The following PTPRD variants were observed in gnomAD, a reference collection of about 807,000 sequenced individuals.
PTPRD encodes protein tyrosine phosphatase receptor type D.
A neutral mutation model predicts 214.5 loss-of-function variants in PTPRD; 34 were observed. The ratio of observed to expected loss-of-function variants is 0.16; its 90% CI spans 0.12 to 0.21. PTPRD has a LOEUF of 0.21. Ranked by LOEUF, PTPRD falls within the 10% of genes least tolerant of loss-of-function variation. The pLI is 1.00. For synonymous variants in PTPRD, 1,128 were observed against 845.7 expected, an observed-to-expected ratio of 1.33 and a Z score of -5.79; for missense variants, 2,545 against 2,398.7, an observed-to-expected ratio of 1.06 and a Z score of -1.27.
At position 10,073,883 on chromosome 9, in the gene PTPRD, C is replaced by A. The variant is rs555064761; in HGVS notation, c.-544-40093G>T. 8.5e-5 allele frequency among the ~76,000 whole-genome samples: 13 copies of A among 152,190 alleles called. No individual in the cohort carries two copies. The South Asian group carries it at 2.7e-3, about 32-fold the overall frequency. On this transcript the variant is annotated intron_variant, in intron 3 of 45. Coordinates refer to ENST00000381196, the MANE Select transcript of PTPRD (RefSeq NM_002839.4). ...GATTTTTCAAAAAGTGACTAATTTT[C>A]TTAAAATATACATTAATAGTTTATA...
At chr9:9,356,326 A>T (rs1569567671) in intron 9 of PTPRD, among the ~76,000 whole-genome samples, 1 of 151,328 alleles carries the variant, frequency 6.6e-6, no homozygotes, top group Non-Finnish European at 1.5e-5. Flanking sequence ...AGCTGCTAGA[A>T]TGAGGTCTTT....
chr9:8,946,928 T>A (rs958809126), intron 11 of PTPRD, among the ~76,000 whole-genome samples: 3 of 151,790 alleles, frequency 2.0e-5, no homozygotes, highest in Non-Finnish European at 2.9e-5. Context: ...TGTGTCTCTT[T>A]ATTGTCTGTC....
intron 10 of PTPRD, among the ~76,000 whole-genome samples, chr9:9,077,609 G>C (rs1184129364): frequency 2.0e-5 from 3 of 152,046 alleles, no homozygotes; most frequent in African/African-American, 4.8e-5. Flanking sequence ...ATAGCGGAGA[G>C]TGTCATGCAA....
rs1360487164 is a variant in PTPRD, at chr9:8,849,468, C to T, written c.-103-115522G>A. On this transcript the variant is annotated intron_variant, in intron 11 of 45. Coordinates refer to ENST00000381196, the MANE Select transcript of PTPRD (RefSeq NM_002839.4). ...GTCTCGATCTCCTGACCTCGTGATCCACCGGCCTCGGCCTCCCAAAGTGCT... is the reference window on the plus strand; with the variant it reads ...GTCTCGATCTCCTGACCTCGTGATCTACCGGCCTCGGCCTCCCAAAGTGCT... Among the ~76,000 whole-genome samples, 3 of 152,148 alleles carry T rather than the reference C, an allele frequency of 2.0e-5. No individual in the cohort carries two copies. In the South Asian group the frequency reaches 6.2e-4, roughly 31 times the overall value.
At chr9:9,983,635 A>G (rs1279538109) in intron 4 of PTPRD, among the ~76,000 whole-genome samples, 3 of 152,234 alleles carry the variant, frequency 2.0e-5, no homozygotes, top group Non-Finnish European at 4.4e-5. Flanking sequence ...CAAATTGAAT[A>G]TCATGAAATG....
chr9:9,563,598 G>T (rs1327621104), intron 8 of PTPRD, among the ~76,000 whole-genome samples: 1 of 152,148 alleles, frequency 6.6e-6, no homozygotes, highest in East Asian at 1.9e-4. Flanking sequence ...ACCACATTCA[G>T]AGGATCAGGA....
intron 5 of PTPRD, among the ~76,000 whole-genome samples, chr9:9,930,899 G>A (rs893852417): frequency 2.6e-5 from 4 of 151,486 alleles, no homozygotes; most frequent in African/African-American, 7.3e-5. Flanking sequence ...CCTTTTAAAG[G>A]ACTTTACGCA....
chr9:9,872,381 C>T (rs1565913131), intron 5 of PTPRD, among the ~76,000 whole-genome samples: 1 of 152,156 alleles, frequency 6.6e-6, no homozygotes, highest in African/African-American at 2.4e-5. Flanking sequence ...AGGAGAATTG[C>T]TTGAGCATAG....
chr9:9,148,044 G>T (rs1360036484), intron 10 of PTPRD, among the ~76,000 whole-genome samples: 3 of 152,102 alleles, frequency 2.0e-5, no homozygotes, highest in Non-Finnish European at 4.4e-5. Context: ...GAAAATATAG[G>T]TTAATACGCA....
chr9:10,466,721 T>C (rs181529373), intron 2 of PTPRD, among the ~76,000 whole-genome samples: 91 of 151,652 alleles, frequency 6.0e-4, no homozygotes, highest in Admixed American at 4.1e-3. Context: ...GAATTCAGAC[T>C]TCGAGCATCT....
At chr9:9,299,535 G>T (rs1954441209) in intron 9 of PTPRD, among the ~76,000 whole-genome samples, 1 of 151,584 alleles carries the variant, frequency 6.6e-6, no homozygotes, top group African/African-American at 2.4e-5. Flanking sequence ...TTTCTTATTT[G>T]GGATTTAAAT....
intron 12 of PTPRD, among the ~76,000 whole-genome samples, chr9:8,648,728 G>T (rs2096745574): frequency 6.6e-6 from 1 of 152,132 alleles, no homozygotes; most frequent in Non-Finnish European, 1.5e-5. Context: ...GTAGGCAAAT[G>T]ACACAATGCT....
chr9:8,757,384 A>G (rs12345828), intron 11 of PTPRD, among the ~76,000 whole-genome samples: 7,680 of 152,176 alleles, frequency 0.05, 481 homozygotes, highest in African/African-American at 0.15. Flanking sequence ...AATAATCAGC[A>G]TAAGATTTAG....
chr9:9,401,063 C>T (rs1256406274), intron 8 of PTPRD, among the ~76,000 whole-genome samples: 1 of 151,958 alleles, frequency 6.6e-6, no homozygotes, highest in African/African-American at 2.4e-5. Flanking sequence ...ATTACCTTCT[C>T]TGTATATCTG....
chr9:10,466,353 G>C (rs1317154802), intron 2 of PTPRD, among the ~76,000 whole-genome samples: 3 of 152,076 alleles, frequency 2.0e-5, no homozygotes, highest in African/African-American at 7.2e-5. Flanking sequence ...GCCGGGTGCG[G>C]TGGCTGATGC....
chr9:8,627,770 G>A lies in PTPRD; in HGVS notation c.352+5547C>T, dbSNP rs191408388. Among the ~76,000 whole-genome samples, 15 of 151,822 alleles carry A rather than the reference G, an allele frequency of 9.9e-5. No homozygotes were observed. In the East Asian group the frequency reaches 2.9e-3, roughly 30 times the overall value. The stretch of plus-strand genomic sequence containing the variant: ...AGTTTTAATGTCTCCCCTTACTAGG[G>A]TCTCTCATAGACTATCCACATGGGC... On this transcript the variant is annotated intron_variant, in intron 14 of 45. Coordinates refer to ENST00000381196, the MANE Select transcript of PTPRD (RefSeq NM_002839.4).
intron 3 of PTPRD, among the ~76,000 whole-genome samples, chr9:10,220,222 T>A (rs2099563163): frequency 6.6e-6 from 1 of 151,892 alleles, no homozygotes; most frequent in Non-Finnish European, 1.5e-5. Flanking sequence ...AATATTAACA[T>A]AATCTGTTTT....
intron 11 of PTPRD, among the ~76,000 whole-genome samples, chr9:8,969,437 A>C (rs1348088813): frequency 1.3e-5 from 2 of 152,052 alleles, no homozygotes; most frequent in African/African-American, 4.8e-5. Flanking sequence ...TCATTAGTAC[A>C]TTGTTTGTGT....
At chr9:8,909,120 A>G (rs2098728894) in intron 11 of PTPRD, among the ~76,000 whole-genome samples, 1 of 152,000 alleles carries the variant, frequency 6.6e-6, no homozygotes, top group Admixed American at 6.6e-5. Context: ...AAAGAAAATA[A>G]ATTCAGCTGG....
Sources: allele counts gnomAD v4.1 joint callset (sites outside exome capture counted in the v4.1 genomes callset), GRCh38; gene constraint gnomAD v4.1.1; transcripts MANE v1.5; gene names NCBI Gene and HGNC (gene_info 2026-07-23, HGNC 2026-07-21).